Variants in OPA1 observed in about 807,000 individuals in gnomAD.
OPA1 encodes dynamin-like GTPase OPA1, mitochondrial.
OPA1 carries 59 observed loss-of-function variants against 152.9 expected under a neutral mutation model. The ratio of observed to expected loss-of-function variants is 0.39; its 90% CI spans 0.31 to 0.48. OPA1 has a LOEUF of 0.48. Among genes scored for constraint, OPA1 ranks in the 20% least tolerant of loss-of-function variants. The pLI, the probability that OPA1 is intolerant of heterozygous loss-of-function variation, is 0.96. For synonymous variants in OPA1, 400 were observed against 389.9 expected, an observed-to-expected ratio of 1.03 and a Z score of -0.31; for missense variants, 1,008 against 1,216.8, an observed-to-expected ratio of 0.83 and a Z score of 2.55.
At chr3:193,687,175 G>A (rs1299148939) in intron 29 of OPA1, among the ~76,000 whole-genome samples, 2 of 152,080 alleles carry the variant, frequency 1.3e-5, no homozygotes, top group African/African-American at 2.4e-5. Flanking sequence ...GAGATAAAGA[G>A]ACCCAAAACA....
intron 16 of OPA1, 94 bp from the exon 17 acceptor site, chr3:193,645,459 G>A: frequency 1.2e-6 from 1 of 846,550 alleles, no homozygotes; most frequent in Non-Finnish European, 1.9e-6. Context: ...CTATATACAT[G>A]TATAGCATTA....
Position 193,696,831 on chromosome 3 carries a change from T to C in OPA1, c.*2231T>C, listed in dbSNP as rs1360419186. On this transcript the variant is annotated 3_prime_UTR_variant, in exon 31 of 31. Coordinates refer to ENST00000361510, the MANE Select transcript of OPA1 (RefSeq NM_130837.3). ...AGATGATATCCAAACTTAATTTGGC[T>C]AGGACTTCAATTTTAAAAATCAGTG... 1 of 152,238 alleles carries C rather than the reference T, an allele frequency of 6.6e-6. No individual in the cohort carries two copies. Among genetic ancestry groups the C allele is most frequent in the East Asian group, 1.9e-4 (1 of 5,206 alleles). 9.4% of individuals were successfully genotyped at this position (152,238 alleles called of 1,614,324 possible).
At chr3:193,676,871 C>T (rs1719150995) in intron 29 of OPA1, among the ~76,000 whole-genome samples, 1 of 149,920 alleles carries the variant, frequency 6.7e-6, no homozygotes, top group African/African-American at 2.5e-5. Context: ...GTCCCAGCTG[C>T]TGGGGAGGCT....
chr3:193,629,732 CTT>C (rs1731773705), intron 7 of OPA1, among the ~76,000 whole-genome samples: 1 of 152,026 alleles, frequency 6.6e-6, no homozygotes, highest in African/African-American at 2.4e-5. Flanking sequence ...TTTTATATAA[CTT>C]TTTTATTTTA....
intron 29 of OPA1, among the ~76,000 whole-genome samples, chr3:193,677,560 C>T (rs939823859): frequency 1.3e-5 from 2 of 151,920 alleles, no homozygotes; most frequent in African/African-American, 2.4e-5. Flanking sequence ...TAAAATTAAA[C>T]GAGATAGGAA....
rs192054860 is a variant in OPA1 at position 193,652,206 on chromosome 3, A to T, written c.2013-2656A>T. Among the ~76,000 whole-genome samples the T allele has an allele frequency of 1.8e-3, 271 of 151,998 alleles. 5 individuals are homozygous for T. The highest frequency in any genetic ancestry group is 0.016 in the Admixed American group (243 of 15,266). On this transcript the variant is annotated intron_variant, in intron 21 of 30. Coordinates refer to ENST00000361510, the MANE Select transcript of OPA1 (RefSeq NM_130837.3). Reference sequence around the variant, plus strand: ...GACCAACCTGGGCAACATGGTGAAAACCCTGTCTCTAATAAATATACAAAA... The same window carrying T: ...GACCAACCTGGGCAACATGGTGAAATCCCTGTCTCTAATAAATATACAAAA...
chr3:193,687,733 A>G (rs1053495728), intron 29 of OPA1, among the ~76,000 whole-genome samples: 1 of 152,242 alleles, frequency 6.6e-6, no homozygotes, highest in African/African-American at 2.4e-5. Context: ...CACAGTTAGT[A>G]TACAGACATT....
chr3:193,644,738 T>C (rs1734284884), intron 16 of OPA1, among the ~76,000 whole-genome samples: 1 of 152,214 alleles, frequency 6.6e-6, no homozygotes, highest in African/African-American at 2.4e-5. Context: ...AACAAATTTC[T>C]GTGGCCTCCT....
chr3:193,608,143 C>T (rs1263975163), intron 1 of OPA1, among the ~76,000 whole-genome samples: 1 of 152,090 alleles, frequency 6.6e-6, no homozygotes, highest in East Asian at 1.9e-4. Flanking sequence ...TTGATCTTTT[C>T]GAAAAACCAG....
At chr3:193,669,988 G>A (rs1717555897) in intron 29 of OPA1, among the ~76,000 whole-genome samples, 1 of 152,142 alleles carries the variant, frequency 6.6e-6, no homozygotes, top group South Asian at 2.1e-4. Flanking sequence ...GGAAGCAAGG[G>A]TTTTGCCAGT....
intron 1 of OPA1, among the ~76,000 whole-genome samples, chr3:193,612,649 G>T (rs938086742): frequency 6.6e-6 from 1 of 152,076 alleles, no homozygotes; most frequent in South Asian, 2.1e-4. Flanking sequence ...CTTTAGTGAG[G>T]TTAACCCATT....
At chr3:193,603,369 T>C (rs1226591260) in intron 1 of OPA1, 3 of 152,244 alleles carry the variant, frequency 2.0e-5, no homozygotes, top group Non-Finnish European at 4.4e-5. Context: ...TTCATTCAGA[T>C]TGCGTATCTT....
At chr3:193,625,751 T>A (rs1246329858) in intron 6 of OPA1, among the ~76,000 whole-genome samples, 1 of 151,712 alleles carries the variant, frequency 6.6e-6, no homozygotes, top group East Asian at 1.9e-4. Flanking sequence ...AATTAGAAAA[T>A]TTAGACCAGT....
intron 1 of OPA1, among the ~76,000 whole-genome samples, chr3:193,593,667 T>C (rs1291058217): frequency 2.6e-5 from 4 of 152,194 alleles, no homozygotes; most frequent in Admixed American, 2.0e-4. Flanking sequence ...TTGGCCCGTC[T>C]CTATTGTCCT....
chr3:193,668,457 T>C (rs1466682696), intron 29 of OPA1: 54 of 1,550,660 alleles, frequency 3.5e-5, no homozygotes, highest in Non-Finnish European at 4.6e-5. Context: ...TCCCTTTTAC[T>C]GAGCTCTGCT....
intron 16 of OPA1, among the ~76,000 whole-genome samples, chr3:193,644,786 T>A (rs1734297247): frequency 6.6e-6 from 1 of 152,186 alleles, no homozygotes; most frequent in Non-Finnish European, 1.5e-5. Flanking sequence ...CTTTCAACTC[T>A]AGGATAGTGA....
In OPA1 at chr3:193,697,538, A is replaced by G. The variant is rs139052204; in HGVS notation, c.*2938A>G. 46 of 152,294 alleles carry G rather than the reference A, an allele frequency of 3.0e-4. No individual in the cohort carries two copies. Among genetic ancestry groups the G allele is most frequent in the African/African-American group, 5.3e-4 (22 of 41,566 alleles). The allele number at this position is 152,294 out of a possible 1,614,324, so 9.4% of individuals were successfully genotyped here. ...AATATTTAAATCACATTATAATTCT[A>G]TTATTGGAGAGCATCTTTTAAATTT... is the stretch of plus-strand genomic sequence containing the variant. On this transcript the variant is annotated 3_prime_UTR_variant, in exon 31 of 31. Coordinates refer to ENST00000361510, the MANE Select transcript of OPA1 (RefSeq NM_130837.3).
intron 29 of OPA1, among the ~76,000 whole-genome samples, chr3:193,686,005 T>C (rs113200730): frequency 0.034 from 5,247 of 152,226 alleles, 337 homozygotes; most frequent in African/African-American, 0.12. Flanking sequence ...TATCAAATAA[T>C]TGCCCCATAG....
chr3:193,654,003 T>A (rs1321462967), intron 21 of OPA1, among the ~76,000 whole-genome samples: 1 of 152,092 alleles, frequency 6.6e-6, no homozygotes, highest in Non-Finnish European at 1.5e-5. Flanking sequence ...AAACATGTAA[T>A]TACCATATGA....
Sources: allele counts gnomAD v4.1 joint callset (sites outside exome capture counted in the v4.1 genomes callset), GRCh38; gene constraint gnomAD v4.1.1; transcripts MANE v1.5; gene names NCBI Gene and HGNC (gene_info 2026-07-23, HGNC 2026-07-21).